Variants in FBXO22 observed in about 807,000 individuals in gnomAD.
The protein encoded by FBXO22 is F-box only protein 22.
In FBXO22, 13 loss-of-function variants were observed where a neutral mutation model predicts 37.2. The ratio of observed to expected loss-of-function variants is 0.35; its 90% confidence interval spans 0.23 to 0.56. FBXO22 has a LOEUF of 0.56. Among genes scored for constraint, FBXO22 ranks in the 20% least tolerant of loss-of-function variants. The probability of loss-of-function intolerance (pLI) is 0.87; values close to 1 mark genes in which losing one functional copy is unlikely to be tolerated. For missense variants in FBXO22, 446 were observed against 509.9 expected (o/e 0.87, Z 1.21); for synonymous variants, 189 against 189.1 (o/e 1.00, Z 0.00).
Position 75,934,094 on chromosome 15 carries a change from G to A in FBXO22, c.*992G>A, listed in dbSNP as rs1379842560. 6.6e-6 allele frequency: 1 copy of A among 152,414 alleles called. No individual in the cohort carries two copies. The highest frequency in any genetic ancestry group is 1.5e-5 in the Non-Finnish European group (1 of 68,202). The allele number at this position is 152,414 out of a possible 1,614,324, so 9.4% of individuals were successfully genotyped here. Reference sequence around the variant, plus strand: ...AAGTGGGTATGCCTCCTAGAATAAAGACTACATTTCCCAGTCTCCTGTGCA... The same window carrying A: ...AAGTGGGTATGCCTCCTAGAATAAAAACTACATTTCCCAGTCTCCTGTGCA... On this transcript the variant is annotated 3_prime_UTR_variant, in exon 7 of 7. Transcript: ENST00000308275.
At chr15:75,906,727 T>A (rs2141701188) in intron 2 of FBXO22, among the ~76,000 whole-genome samples, 1 of 152,204 alleles carries the variant, frequency 6.6e-6, no homozygotes, top group East Asian at 1.9e-4. Flanking sequence ...TGTAGAAAAC[T>A]TTTCTTCTCT....
chr15:75,941,331 AATATAGTGGTATGCAGCTG>A lies in FBXO22; in HGVS notation c.*8230_*8248del, dbSNP rs2030933617. ...AATTGGAACTCTTATTACTGATGGA[AATATAGTGGTATGCAGCTG>A]CTGTAGAAAACAGTATGGTGATTTT... On this transcript the variant is annotated 3_prime_UTR_variant, in exon 7 of 7. Transcript: ENST00000308275. 1 of 152,196 alleles carries A rather than the reference AATATAGTGGTATGCAGCTG, an allele frequency of 6.6e-6. No homozygotes were observed. The highest frequency in any genetic ancestry group is 1.5e-5 in the Non-Finnish European group (1 of 67,994). The allele number at this position is 152,196 out of a possible 1,614,324, so 9.4% of individuals were successfully genotyped here. A position where few individuals can be genotyped will look rare whatever the true frequency, so the allele number is the denominator to read the frequency against.
In FBXO22 at chr15:75,940,125, T is replaced by C. The variant is rs10444857; in HGVS notation, c.*7023T>C. On this transcript the variant is annotated 3_prime_UTR_variant, in exon 7 of 7. Transcript: ENST00000308275. ...AAGATTCCACACCAAAAAAAAAAAA[T>C]AACTGTTAATTCAGTAAGGTAGCAG... The C allele has an allele frequency of 2.7e-5, 3 of 112,334 alleles. No homozygotes were observed. The highest frequency in any genetic ancestry group is 5.8e-5 in the Non-Finnish European group (3 of 51,744). 7.0% of individuals were successfully genotyped at this position (112,334 alleles called of 1,614,324 possible).
intron 2 of FBXO22, 52 bp downstream of exon 2, chr15:75,904,681 C>A: frequency 6.6e-7 from 1 of 1,514,298 alleles, no homozygotes; most frequent in Non-Finnish European, 8.8e-7. Context: ...GTGGTTCAGT[C>A]TTTGAGAACT....
intron 6 of FBXO22, among the ~76,000 whole-genome samples, chr15:75,931,905 T>G (rs2030034711): frequency 6.6e-6 from 1 of 152,174 alleles, no homozygotes. Context: ...CTAAAACTTC[T>G]AGAGTTAATA....
chr15:75,941,674 A>G lies in FBXO22; in HGVS notation c.*8572A>G, dbSNP rs1238548292. 6.6e-6 allele frequency: 1 copy of G among 152,196 alleles called. No homozygotes were observed. The highest frequency in any genetic ancestry group is 2.4e-5 in the African/African-American group (1 of 41,444). 9.4% of individuals were successfully genotyped at this position (152,196 alleles called of 1,614,324 possible). A position where few individuals can be genotyped will look rare whatever the true frequency, so the allele number is the denominator to read the frequency against. ...ATCACAAAAGGACAATACTATATGA[A>G]TCCACTGATGTGAGGTACCTAGACT... On this transcript the variant is annotated 3_prime_UTR_variant, in exon 7 of 7. Transcript: ENST00000308275.
rs150074021 is a variant in FBXO22, at chr15:75,932,950, T to C, written c.1060T>C (p.Leu354=). The part of the protein sequence containing the change: ...AFRKFFPSVP[L]FGFFGNGEIG... ...TAGAAAGTTTTTTCCTAGTGTTCCC[T>C]TATTCGGCTTCTTTGGAAATGGAGA... The change falls in exon 7 of 7, where the codon TTA becomes CTA. Residue 354 remains leucine (L), a synonymous_variant. Coordinates refer to ENST00000308275, the MANE Select transcript of FBXO22 (RefSeq NM_147188.3). 2 of 1,614,150 alleles carry C rather than the reference T, an allele frequency of 1.2e-6. No individual in the cohort carries two copies. The highest frequency in any genetic ancestry group is 2.7e-5 in the African/African-American group (2 of 74,954).
chr15:75,904,396 C>T (rs912277975), intron 1 of FBXO22, 95 bp from the exon 2 acceptor site: 14 of 1,574,708 alleles, frequency 8.9e-6, no homozygotes, highest in Admixed American at 1.8e-5. Flanking sequence ...CCGCAGGGAT[C>T]TCCTGCTGCT....
At chr15:75,915,881 T>C (rs1408980743) in intron 4 of FBXO22, among the ~76,000 whole-genome samples, 3 of 146,802 alleles carry the variant, frequency 2.0e-5, no homozygotes, top group East Asian at 2.0e-4. Flanking sequence ...TCCTGGATGA[T>C]AGAGCAAGAC....
chr15:75,915,437 T>C (rs1454198967), intron 4 of FBXO22, among the ~76,000 whole-genome samples: 1 of 152,216 alleles, frequency 6.6e-6, no homozygotes, highest in African/African-American at 2.4e-5. Flanking sequence ...AGCTGTGGTT[T>C]CTAAAGGGCT....
intron 5 of FBXO22, among the ~76,000 whole-genome samples, chr15:75,928,187 G>A (rs1416892158): frequency 6.6e-6 from 1 of 152,152 alleles, no homozygotes; most frequent in African/African-American, 2.4e-5. Flanking sequence ...GGAAGATAGT[G>A]TGGTGATTCC....
intron 3 of FBXO22, 94 bp downstream of exon 3, chr15:75,913,384 C>T: frequency 1.2e-6 from 1 of 810,980 alleles, no homozygotes. Flanking sequence ...AGTTAACTGA[C>T]TTTCTGAGGC....
chr15:75,907,268 GAAAAAT>G (rs1382338963), intron 2 of FBXO22, among the ~76,000 whole-genome samples: 1 of 152,054 alleles, frequency 6.6e-6, no homozygotes, highest in Admixed American at 6.5e-5. Flanking sequence ...AAAATAAAAA[GAAAAAT>G]AATAATTTTC....
chr15:75,917,045 T>C (rs917044993), intron 4 of FBXO22, among the ~76,000 whole-genome samples, 185 bp from the exon 5 acceptor site: 1 of 152,172 alleles, frequency 6.6e-6, no homozygotes, highest in Non-Finnish European at 1.5e-5. Flanking sequence ...TTATAAAAAA[T>C]TTCTTTCTGA....
intron 2 of FBXO22, among the ~76,000 whole-genome samples, chr15:75,911,118 T>A (rs760110997): frequency 6.6e-6 from 1 of 152,250 alleles, no homozygotes. Flanking sequence ...GTTCCATTGG[T>A]CTGTATATCT....
chr15:75,904,144 A>G (rs1283503121), intron 1 of FBXO22, 41 bp downstream of exon 1: 21 of 1,509,804 alleles, frequency 1.4e-5, no homozygotes, highest in Non-Finnish European at 1.9e-5. Flanking sequence ...GCCTGGGGAC[A>G]CGCCGTGGGC....
chr15:75,928,082 TA>T (rs1436719038), intron 5 of FBXO22, among the ~76,000 whole-genome samples: 4 of 151,888 alleles, frequency 2.6e-5, no homozygotes, highest in Non-Finnish European at 5.9e-5. Context: ...GAATGGCTAT[TA>T]AAAAGTCAAA....
At chr15:75,915,463 A>G (rs1184614457) in intron 4 of FBXO22, among the ~76,000 whole-genome samples, 1 of 152,062 alleles carries the variant, frequency 6.6e-6, no homozygotes, top group African/African-American at 2.4e-5. Flanking sequence ...TTTTTTTAAA[A>G]AAAAGAGTTT....
chr15:75,916,123 A>G (rs1270061560), intron 4 of FBXO22, among the ~76,000 whole-genome samples: 1 of 151,982 alleles, frequency 6.6e-6, no homozygotes, highest in African/African-American at 2.4e-5. Context: ...TTTTAGAAAA[A>G]AAAAATTAGA....
Sources: gnomAD v4.1 joint callset for allele counts (sites outside exome capture counted in the v4.1 genomes callset) on GRCh38, gnomAD v4.1.1 for gene constraint, MANE v1.5 for transcripts, NCBI Gene and HGNC (gene_info 2026-07-23, HGNC 2026-07-21) for gene names.